The following HPSE2 variants were observed in gnomAD, a reference collection of about 807,000 sequenced individuals.
HPSE2 encodes the protein inactive heparanase-2.
Under a neutral mutation model 60.5 loss-of-function variants are expected in HPSE2, and 38 were observed. The observed-to-expected ratio is 0.63, with a 90% confidence interval of 0.48 to 0.82. HPSE2 has a LOEUF of 0.82. Among genes scored for constraint, HPSE2 ranks in the 40% least tolerant of loss-of-function variants. The pLI, the probability that HPSE2 is intolerant of heterozygous loss-of-function variation, is 0.00. For synonymous variants in HPSE2, 295 were observed against 293.2 expected (o/e 1.01, Z -0.06); for missense variants, 713 against 740.4 (o/e 0.96, Z 0.43).
intron 2 of HPSE2, among the ~76,000 whole-genome samples, chr10:99,153,281 G>T (rs1388440797): frequency 1.3e-5 from 2 of 152,122 alleles, no homozygotes; most frequent in Admixed American, 6.5e-5. Flanking sequence ...GCCTCTATAG[G>T]CTCCACCTCT....
intron 2 of HPSE2, among the ~76,000 whole-genome samples, chr10:99,158,098 A>G (rs1241701807): frequency 7.5e-6 from 1 of 132,592 alleles, no homozygotes; most frequent in Non-Finnish European, 1.6e-5. Context: ...AAAAGTCAGG[A>G]AACAACAGGT....
At chr10:98,805,198 T>C (rs1951014539) in intron 3 of HPSE2, among the ~76,000 whole-genome samples, 1 of 152,120 alleles carries the variant, frequency 6.6e-6, no homozygotes, top group African/African-American at 2.4e-5. Context: ...ATGCCCAGTG[T>C]TCTATTACTG....
intron 2 of HPSE2, among the ~76,000 whole-genome samples, chr10:99,145,624 G>C (rs1042718119): frequency 3.5e-4 from 53 of 152,124 alleles, no homozygotes; most frequent in African/African-American, 1.2e-3. Flanking sequence ...AAACTTTCAA[G>C]TTTTGCATAA....
chr10:99,024,512 G>C (rs938290977), intron 3 of HPSE2, among the ~76,000 whole-genome samples: 2 of 152,052 alleles, frequency 1.3e-5, no homozygotes, highest in Non-Finnish European at 2.9e-5. Context: ...TACTCAAAGG[G>C]ATAATAACAC....
At chr10:98,719,332 T>C (rs1948863922) in intron 5 of HPSE2, among the ~76,000 whole-genome samples, 2 of 152,074 alleles carry the variant, frequency 1.3e-5, no homozygotes, top group African/African-American at 2.4e-5. Flanking sequence ...TATAAACAAA[T>C]GTTATCATCA....
At chr10:99,064,730 C>A (rs1954294) in intron 3 of HPSE2, among the ~76,000 whole-genome samples, 8,064 of 142,410 alleles carry the variant, frequency 0.057, 302 homozygotes, top group Non-Finnish European at 0.085. Context: ...ACCTTATCAA[C>A]CAAAAAAAAA....
At chr10:98,572,146 G>A (rs1170640645) in intron 9 of HPSE2, among the ~76,000 whole-genome samples, 6 of 151,958 alleles carry the variant, frequency 3.9e-5, no homozygotes, top group Admixed American at 2.6e-4. Context: ...TCACTATGTT[G>A]GCCAGGCTGG....
At chr10:99,307,500 T>C in the HPSE2 span, among the ~76,000 whole-genome samples, 4 of 152,156 alleles carry the variant, frequency 2.6e-5, no homozygotes, top group African/African-American at 9.7e-5. Flanking sequence ...CCAAGTGGCG[T>C]GCTGAAGTCC....
intron 4 of HPSE2, among the ~76,000 whole-genome samples, chr10:98,736,695 A>ATAAGAGTT (rs1235257845): frequency 1.3e-5 from 2 of 152,222 alleles, no homozygotes; most frequent in African/African-American, 4.8e-5. Context: ...GTTCTAGCAT[A>ATAAGAGTT]TAAGAGTTTA....
chr10:99,063,896 C>A (rs1842529233), intron 3 of HPSE2, among the ~76,000 whole-genome samples: 1 of 152,136 alleles, frequency 6.6e-6, no homozygotes, highest in Non-Finnish European at 1.5e-5. Flanking sequence ...AGATTGAGAT[C>A]ATCCTGGCCA....
intron 6 of HPSE2, among the ~76,000 whole-genome samples, chr10:98,650,300 G>A (rs1439545064): frequency 6.6e-6 from 1 of 152,188 alleles, no homozygotes; most frequent in Non-Finnish European, 1.5e-5. Flanking sequence ...ATCAGCATTG[G>A]ACTGTCACGT....
At chr10:98,618,211 T>C (rs1945973267) in intron 8 of HPSE2, among the ~76,000 whole-genome samples, 1 of 152,138 alleles carries the variant, frequency 6.6e-6, no homozygotes, top group South Asian at 2.1e-4. Context: ...AACTAAGCAT[T>C]GGATATCTGA....
chr10:98,785,733 A>C (rs1034243542), intron 3 of HPSE2, among the ~76,000 whole-genome samples: 1 of 125,230 alleles, frequency 8.0e-6, no homozygotes, highest in African/African-American at 3.2e-5. Context: ...ATTTGCATAG[A>C]GGTGTTTGTA....
chr10:98,508,612 T>C (rs1005564188), intron 9 of HPSE2, among the ~76,000 whole-genome samples: 1 of 152,100 alleles, frequency 6.6e-6, no homozygotes, highest in Non-Finnish European at 1.5e-5. Flanking sequence ...TAAGAAGAAG[T>C]AGGGCAGGAC....
At chr10:98,962,661 T>G (rs1242662394) in intron 3 of HPSE2, among the ~76,000 whole-genome samples, 2 of 150,594 alleles carry the variant, frequency 1.3e-5, no homozygotes, top group East Asian at 3.9e-4. Flanking sequence ...GCAGACGACA[T>G]GATTGTTTAT....
chr10:98,664,447 G>A (rs990900096), intron 6 of HPSE2, among the ~76,000 whole-genome samples: 6 of 152,082 alleles, frequency 3.9e-5, no homozygotes, highest in African/African-American at 1.4e-4. Flanking sequence ...TTGAGGCAGC[G>A]CCATGGCTCA....
chr10:98,728,186 G>A (rs1949137985), intron 4 of HPSE2, among the ~76,000 whole-genome samples: 1 of 152,042 alleles, frequency 6.6e-6, no homozygotes, highest in South Asian at 2.1e-4. Context: ...TCTCTTAACT[G>A]ATTTAAAAGA....
At chr10:99,296,360 C>T in the HPSE2 span, among the ~76,000 whole-genome samples, 1 of 152,186 alleles carries the variant, frequency 6.6e-6, no homozygotes, top group Non-Finnish European at 1.5e-5. Context: ...CAGATGCCCC[C>T]CCAACATGCC....
At chr10:98,475,291 T>A (rs1165501723) in intron 11 of HPSE2, among the ~76,000 whole-genome samples, 1 of 152,108 alleles carries the variant, frequency 6.6e-6, no homozygotes, top group Non-Finnish European at 1.5e-5. Context: ...CTAATTTTTT[T>A]TTGTATTTTT....
Sources: gnomAD v4.1 joint callset for allele counts (sites outside exome capture counted in the v4.1 genomes callset) on GRCh38, gnomAD v4.1.1 for gene constraint, MANE v1.5 for transcripts, NCBI Gene and HGNC (gene_info 2026-07-23, HGNC 2026-07-21) for gene names.